TNS3: variants seen among roughly 807,000 people sequenced by gnomAD.
TNS3 encodes tensin 3, also known as tensin-3.
A neutral mutation model predicts 140.9 loss-of-function variants in TNS3; 45 were observed. The ratio of observed to expected loss-of-function variants is 0.32; its 90% CI spans 0.25 to 0.41. TNS3 has a LOEUF of 0.41. Ranked by LOEUF, TNS3 falls within the 10% of genes least tolerant of loss-of-function variation. The probability of loss-of-function intolerance (pLI) is 1.00; values close to 1 mark genes in which losing one functional copy is unlikely to be tolerated. For synonymous variants in TNS3, 815 were observed against 788.4 expected, an observed-to-expected ratio of 1.03 and a Z score of -0.56; for missense variants, 1,716 against 1,906.7, an observed-to-expected ratio of 0.90 and a Z score of 1.86.
rs17172854 is a variant in TNS3, at chr7:47,373,465, C to G, written c.1025-3844G>C. Among the ~76,000 whole-genome samples the G allele has an allele frequency of 8.9e-3, 1,349 of 152,286 alleles. 22 individuals are homozygous for G. Among genetic ancestry groups the G allele is most frequent in the Admixed American group, 0.032 (491 of 15,300 alleles). ...AAGGCTCTTCCCATAGTGGACAGGG[C>G]CTTGCATCCGCTCCCTGGGCTCATC... On this transcript the variant is annotated intron_variant, in intron 16 of 30. Transcript: ENST00000311160.
intron 20 of TNS3, among the ~76,000 whole-genome samples, chr7:47,311,815 AAAAC>A (rs781115905): frequency 1.6e-4 from 24 of 152,204 alleles, no homozygotes; most frequent in South Asian, 2.1e-4. Flanking sequence ...GTTAAAAAAC[AAAAC>A]AAACAAACAA....
At chr7:47,327,733 A>T (rs1306884301) in intron 20 of TNS3, among the ~76,000 whole-genome samples, 1 of 152,194 alleles carries the variant, frequency 6.6e-6, no homozygotes. Context: ...GCGACTTGAG[A>T]ACTGTCATCA....
At chr7:47,575,011 G>T (rs1800644709) in intron 1 of TNS3, among the ~76,000 whole-genome samples, 2 of 152,016 alleles carry the variant, frequency 1.3e-5, no homozygotes, top group African/African-American at 2.4e-5. Flanking sequence ...AAACGACAAA[G>T]TTCATGTTAT....
rs571777790 is a variant in TNS3, at chr7:47,487,169, C to T, written c.-114-6028G>A. 3.9e-5 allele frequency among the ~76,000 whole-genome samples: 6 copies of T among 152,188 alleles called. No individual in the cohort carries two copies. The South Asian group carries it at 1.2e-3, about 32-fold the overall frequency. Reference sequence around the variant, plus strand: ...CAAAACTTAGCAGGGCGTGGCGGCACGTGCCTGTAATCCCAGCTACTCAGG... The same window carrying T: ...CAAAACTTAGCAGGGCGTGGCGGCATGTGCCTGTAATCCCAGCTACTCAGG... On this transcript the variant is annotated intron_variant, in intron 3 of 30. Coordinates refer to ENST00000311160, the MANE Select transcript of TNS3 (RefSeq NM_022748.12).
intron 4 of TNS3, among the ~76,000 whole-genome samples, chr7:47,478,724 A>G (rs1797291986): frequency 6.6e-6 from 1 of 152,050 alleles, no homozygotes; most frequent in African/African-American, 2.4e-5. Flanking sequence ...CATAACTCTC[A>G]TATGTATGGC....
chr7:47,462,732 T>C (rs1177240849), intron 4 of TNS3, among the ~76,000 whole-genome samples: 1 of 152,072 alleles, frequency 6.6e-6, no homozygotes, highest in African/African-American at 2.4e-5. Flanking sequence ...TAGCTTTCAC[T>C]CCACCACGAG....
intron 7 of TNS3, among the ~76,000 whole-genome samples, 191 bp from the exon 8 acceptor site, chr7:47,435,595 T>G (rs946560495): frequency 6.6e-6 from 1 of 152,228 alleles, no homozygotes; most frequent in Admixed American, 6.5e-5. Context: ...AGCATTATAC[T>G]GCCCATGTGA....
intron 3 of TNS3, among the ~76,000 whole-genome samples, chr7:47,505,993 G>A (rs1032587223): frequency 5.3e-5 from 8 of 152,170 alleles, no homozygotes; most frequent in South Asian, 2.1e-4. Flanking sequence ...ACTCGGAGCC[G>A]AAGGCAGGGC....
intron 17 of TNS3, among the ~76,000 whole-genome samples, chr7:47,356,114 AACCAC>A (rs1159527496): frequency 1.3e-5 from 2 of 152,154 alleles, no homozygotes; most frequent in Admixed American, 6.5e-5. Context: ...CAAATCTTAG[AACCAC>A]CCTGCGGCAC....
Position 47,304,662 on chromosome 7 carries a change from G to A in TNS3, c.2822+170C>T, listed in dbSNP as rs570190047. Among the ~76,000 whole-genome samples the A allele has an allele frequency of 3.3e-5, 5 of 152,254 alleles. No individual in the cohort carries two copies. The East Asian group carries it at 5.8e-4, about 18-fold the overall frequency. Reference sequence around the variant, plus strand: ...CATACACCTGTCCCCGGCGGTAGCAGTGTCGTGCACACAGCCCTGGTCCCC... The same window carrying A: ...CATACACCTGTCCCCGGCGGTAGCAATGTCGTGCACACAGCCCTGGTCCCC... On this transcript the variant is annotated intron_variant, in intron 21 of 30. Coordinates refer to ENST00000311160, the MANE Select transcript of TNS3 (RefSeq NM_022748.12).
chr7:47,415,900 C>A (rs1794054719), intron 10 of TNS3, among the ~76,000 whole-genome samples: 1 of 152,228 alleles, frequency 6.6e-6, no homozygotes, highest in South Asian at 2.1e-4. Context: ...AGCTTCTACA[C>A]TAGGAGCATC....
chr7:47,518,173 AG>A (rs1798841106), intron 2 of TNS3, among the ~76,000 whole-genome samples: 1 of 152,148 alleles, frequency 6.6e-6, no homozygotes, highest in South Asian at 2.1e-4. Flanking sequence ...GCCTCCCAAA[AG>A]GGAAGTTAAA....
chr7:47,556,205 G>A (rs1332710400), intron 1 of TNS3, among the ~76,000 whole-genome samples: 2 of 152,238 alleles, frequency 1.3e-5, no homozygotes, highest in Non-Finnish European at 2.9e-5. Context: ...TAACCCTGTT[G>A]ACAATTGAGC....
chr7:47,341,815 C>T (rs1052470299), intron 20 of TNS3, among the ~76,000 whole-genome samples: 1 of 151,958 alleles, frequency 6.6e-6, no homozygotes, highest in African/African-American at 2.4e-5. Context: ...ATAAACTATT[C>T]ATTTCAGAAT....
chr7:47,498,068 A>G (rs1010101099), intron 3 of TNS3, among the ~76,000 whole-genome samples: 9 of 152,114 alleles, frequency 5.9e-5, no homozygotes, highest in African/African-American at 2.2e-4. Context: ...AACCTTAACC[A>G]ACAGCACGCT....
chr7:47,381,368 CTG>C (rs1419956937), intron 16 of TNS3, among the ~76,000 whole-genome samples: 6 of 152,236 alleles, frequency 3.9e-5, no homozygotes, highest in Non-Finnish European at 7.3e-5. Context: ...CCTCCACGTT[CTG>C]TGTTCAGTGT....
chr7:47,298,279 C>T (rs1359385783), intron 23 of TNS3, among the ~76,000 whole-genome samples: 1 of 152,206 alleles, frequency 6.6e-6, no homozygotes. Context: ...GGACACATTC[C>T]CCATGTGCCC....
Position 47,523,783 on chromosome 7 carries a change from G to A in TNS3, c.-153+5253C>T, listed in dbSNP as rs1302179357. ...CAAGCCTACCACATCCTCAGCTTCTGCCAGTTCTCTCTGCAAAAAGCAGCT... is the reference window on the plus strand; with the variant it reads ...CAAGCCTACCACATCCTCAGCTTCTACCAGTTCTCTCTGCAAAAAGCAGCT... On this transcript the variant is annotated intron_variant, in intron 2 of 30. Transcript: ENST00000311160. Among the ~76,000 whole-genome samples, 3 of 152,152 alleles carry A rather than the reference G, an allele frequency of 2.0e-5. No homozygotes were observed. The East Asian group carries it at 5.8e-4, about 29-fold the overall frequency.
At chr7:47,556,012 G>A (rs1026933471) in intron 1 of TNS3, among the ~76,000 whole-genome samples, 2 of 152,258 alleles carry the variant, frequency 1.3e-5, no homozygotes, top group East Asian at 1.9e-4. Context: ...ATGCATGCAC[G>A]GTATACATGT....
Sources: allele counts gnomAD v4.1 joint callset (sites outside exome capture counted in the v4.1 genomes callset), GRCh38; gene constraint gnomAD v4.1.1; transcripts MANE v1.5; gene names NCBI Gene and HGNC (gene_info 2026-07-23, HGNC 2026-07-21).